Variants in PRDM15 observed in about 807,000 individuals in gnomAD.
The protein encoded by PRDM15 is PR domain zinc finger protein 15.
PRDM15 carries 64 observed loss-of-function variants against 128.6 expected under a neutral mutation model. That is an observed-to-expected ratio of 0.50 (90% CI 0.41 to 0.61). PRDM15 has a LOEUF of 0.61. Ranked by LOEUF, PRDM15 falls within the 20% of genes least tolerant of loss-of-function variation. The pLI is 0.00. For synonymous variants in PRDM15, 615 were observed against 621.8 expected, an observed-to-expected ratio of 0.99 and a Z score of 0.16; for missense variants, 1,242 against 1,569.1, an observed-to-expected ratio of 0.79 and a Z score of 3.52.
chr21:41,873,350 G>T, intron 1 of PRDM15, among the ~76,000 whole-genome samples: 1 of 152,138 alleles, frequency 6.6e-6, no homozygotes, highest in East Asian at 1.9e-4. Flanking sequence ...CTCACACCTC[G>T]GTTAGGCTGC....
chr21:41,807,263 C>G (rs888183957), intron 21 of PRDM15, among the ~76,000 whole-genome samples: 1 of 152,140 alleles, frequency 6.6e-6, no homozygotes, highest in East Asian at 1.9e-4. Context: ...AGAGAAAAAC[C>G]ATAGCTTGGA....
rs28528855 is a variant in PRDM15, at chr21:41,828,076, C to T, written c.1534+90G>A. 7.1e-7 allele frequency: 1 copy of T among 1,416,638 alleles called. No homozygotes were observed. Among genetic ancestry groups the T allele is most frequent in the Non-Finnish European group, 9.8e-7 (1 of 1,018,762 alleles). The allele number at this position is 1,416,638 out of a possible 1,614,324, so 87.8% of individuals were successfully genotyped here. ...GAGCAGGCGGCACCGAACTGCTCCC[C>T]AAAGGCCCTGCTGACTGCTCCATGC... On this transcript the variant is annotated intron_variant, in intron 12 of 23. Transcript: ENST00000398548. The surrounding 1 kb of genome is among the most constrained non-coding windows in gnomAD (Gnocchi z 5.7).
At chr21:41,848,461 C>T (rs1045148728) in intron 5 of PRDM15, among the ~76,000 whole-genome samples, 1 of 152,196 alleles carries the variant, frequency 6.6e-6, no homozygotes, top group South Asian at 2.1e-4. Flanking sequence ...CCATCCCCAC[C>T]AGCTTCTGTT....
chr21:41,810,300 C>A lies in PRDM15; in HGVS notation c.2506G>T (p.Asp836Tyr), dbSNP rs763999852. The change falls in exon 21 of 24, where the codon GAC (aspartate) becomes TAC (tyrosine). Residue 836 changes from aspartate to tyrosine, a missense_variant. Physicochemically the swap from Asp to Tyr is radical, Grantham distance 160. Transcript: ENST00000398548. This position sits in a 1 kb window ranked among gnomAD's most constrained non-coding sequence, Gnocchi z 6.4. ...ATGTACTCGGTCACGTACTTCTTGT[C>A]GCACACGGAGCACGTCCACTGCTTG... ...VGKQWTCSVC[D>Y]KKYVTEYMLQ... is the part of the protein sequence containing the mutation. 6.2e-7 allele frequency: 1 copy of A among 1,613,492 alleles called. No homozygotes were observed. Among genetic ancestry groups the A allele is most frequent in the South Asian group, 1.1e-5 (1 of 90,980 alleles).
chr21:41,816,028 G>C (rs1248773055), intron 18 of PRDM15, among the ~76,000 whole-genome samples, 192 bp from the exon 19 acceptor site: 1 of 152,226 alleles, frequency 6.6e-6, no homozygotes, highest in Non-Finnish European at 1.5e-5. Flanking sequence ...GAGGCCGGGA[G>C]GGACTGACTG....
rs1389302021 is a variant in PRDM15 at position 41,811,888 on chromosome 21, G to A, written c.2393-1052C>T. 1 of 152,104 alleles carries A rather than the reference G, an allele frequency of 6.6e-6. No individual in the cohort carries two copies. Among genetic ancestry groups the A allele is most frequent in the Non-Finnish European group, 1.5e-5 (1 of 68,038 alleles). 9.4% of individuals were successfully genotyped at this position (152,104 alleles called of 1,614,324 possible). A position where few individuals can be genotyped will look rare whatever the true frequency, so the allele number is the denominator to read the frequency against. On this transcript the variant is annotated intron_variant, in intron 19 of 23. Transcript: ENST00000398548. The surrounding 1 kb of genome is among the most constrained non-coding windows in gnomAD (Gnocchi z 4.1). ...TTTAGTAGAGACGGGCTTTCACCGT[G>A]GTCTCGATCTCCTGACCTCGTGATC...
intron 21 of PRDM15, among the ~76,000 whole-genome samples, chr21:41,805,326 G>C (rs2061529147): frequency 6.6e-6 from 1 of 152,140 alleles, no homozygotes; most frequent in Non-Finnish European, 1.5e-5. Flanking sequence ...AAAGGGGAGG[G>C]GCTGCAAAAC....
chr21:41,803,963 ATT>A lies in PRDM15; in HGVS notation c.2733+569_2733+570del, dbSNP rs72214468. Among the ~76,000 whole-genome samples, 149 of 132,416 alleles carry A rather than the reference ATT, an allele frequency of 1.1e-3. 1 individual carries two copies. The highest frequency in any genetic ancestry group is 1.5e-3 in the East Asian group (7 of 4,604). The allele number at this position is 132,416 out of a possible 152,430, so 86.9% of individuals were successfully genotyped here. On this transcript the variant is annotated intron_variant, in intron 22 of 23. Transcript: ENST00000398548. ...TTAGAACATTTTAATGATTGTTCTG[ATT>A]TTTTTTTTTTTTTTTTTCAGACACA...
intron 8 of PRDM15, among the ~76,000 whole-genome samples, chr21:41,837,549 C>T (rs1159384417): frequency 6.6e-6 from 1 of 151,726 alleles, no homozygotes; most frequent in Non-Finnish European, 1.5e-5. Flanking sequence ...GGGGCTGGAG[C>T]GGGTGCTTAG....
intron 17 of PRDM15, 150 bp from the exon 18 acceptor site, chr21:41,819,851 A>G: frequency 9.8e-7 from 1 of 1,022,112 alleles, no homozygotes; most frequent in Non-Finnish European, 1.4e-6. Flanking sequence ...GCCTCCACAG[A>G]GCCCTCCCGG....
Position 41,828,394 on chromosome 21 carries a change from C to T in PRDM15, c.1367-61G>A, listed in dbSNP as rs916183784. 1.8e-5 allele frequency: 28 copies of T among 1,575,470 alleles called. No individual in the cohort carries two copies. Among genetic ancestry groups the T allele is most frequent in the Admixed American group, 1.3e-4 (8 of 59,850 alleles). ...AGGTAAATAACATCTCACGCAGGCA[C>T]GCACGTGTGGCCTGAACGTCAATAA... On this transcript the variant is annotated intron_variant, in intron 11 of 23. Transcript: ENST00000398548. The surrounding 1 kb of genome is among the most constrained non-coding windows in gnomAD (Gnocchi z 5.7).
Position 41,810,671 on chromosome 21 carries a change from G to T in PRDM15, c.2476+82C>A. Reference sequence around the variant, plus strand: ...GAACCGTCTAGATAATAGAATAGTCGTTTCCACCCCAGCAGGCACTCAGAC... The same window carrying T: ...GAACCGTCTAGATAATAGAATAGTCTTTTCCACCCCAGCAGGCACTCAGAC... On this transcript the variant is annotated intron_variant, in intron 20 of 23. Transcript: ENST00000398548. This position sits in a 1 kb window ranked among gnomAD's most constrained non-coding sequence, Gnocchi z 6.4. 9.1e-7 allele frequency: 1 copy of T among 1,096,390 alleles called. No homozygotes were observed. Among genetic ancestry groups the T allele is most frequent in the Non-Finnish European group, 1.4e-6 (1 of 715,428 alleles). 67.9% of individuals were successfully genotyped at this position (1,096,390 alleles called of 1,614,324 possible). A position where few individuals can be genotyped will look rare whatever the true frequency, so the allele number is the denominator to read the frequency against.
chr21:41,861,814 G>A, intron 1 of PRDM15: 1 of 1,590,218 alleles, frequency 6.3e-7, no homozygotes. Flanking sequence ...AAGGAAGTGA[G>A]GCAGAGGAAA....
In PRDM15 at chr21:41,854,865, C is replaced by T. The variant is rs967075255; in HGVS notation, c.286-47G>A. ...GAGAAGCCGGGGAAATGGCTGATTA[C>T]CCATCTGTGTATCAGCGTGTGGGGG... is the stretch of plus-strand genomic sequence containing the variant. On this transcript the variant is annotated intron_variant, in intron 4 of 23. Coordinates refer to ENST00000398548, the MANE Select transcript of PRDM15 (RefSeq NM_001040424.3). The surrounding 1 kb of genome is among the most constrained non-coding windows in gnomAD (Gnocchi z 4.6). 8 of 1,565,974 alleles carry T rather than the reference C, an allele frequency of 5.1e-6. No homozygotes were observed. The highest frequency in any genetic ancestry group is 2.3e-5 in the East Asian group (1 of 44,330).
At chr21:41,842,957 G>A (rs1295816226) in intron 6 of PRDM15, among the ~76,000 whole-genome samples, 1 of 151,834 alleles carries the variant, frequency 6.6e-6, no homozygotes, top group Non-Finnish European at 1.5e-5. Context: ...GCTAATTTTT[G>A]TATTTTTAGT....
intron 6 of PRDM15, 45 bp downstream of exon 6, chr21:41,847,045 G>C: frequency 7.7e-7 from 1 of 1,294,086 alleles, no homozygotes. Context: ...GAGAGAAATC[G>C]ACACAGGAGT....
intron 1 of PRDM15, among the ~76,000 whole-genome samples, chr21:41,878,480 G>C (rs1349251205): frequency 1.3e-5 from 2 of 152,144 alleles, no homozygotes; most frequent in Non-Finnish European, 2.9e-5. Context: ...ACCCCTGCGT[G>C]AACACCTCCC....
intron 21 of PRDM15, among the ~76,000 whole-genome samples, chr21:41,806,036 C>T (rs1228323369): frequency 1.4e-3 from 82 of 60,418 alleles, no homozygotes; most frequent in East Asian, 3.7e-3. Flanking sequence ...ACCACCATCA[C>T]CACCACCATC....
rs776655169 is a variant in PRDM15, at chr21:41,828,332, A to G, written c.1368T>C (p.Asp456=). Residue 456 remains aspartate (D), a splice_region_variant and synonymous_variant, in exon 12 of 24, where the codon GAT becomes GAC. Coordinates refer to ENST00000398548, the MANE Select transcript of PRDM15 (RefSeq NM_001040424.3). The surrounding 1 kb of genome is among the most constrained non-coding windows in gnomAD (Gnocchi z 5.7). ...ACATCTCACATTGGAACGTCTTGTC[A>G]TCTGTCCAGAGAGCAAACAAACACA... The part of the protein sequence containing the change: ...SALEFHNCRT[D]DKTFQCEMCF... 6 of 1,614,008 alleles carry G rather than the reference A, an allele frequency of 3.7e-6. No individual in the cohort carries two copies. The highest frequency in any genetic ancestry group is 4.2e-6 in the Non-Finnish European group (5 of 1,179,946).
Sources: gnomAD v4.1 joint callset for allele counts (sites outside exome capture counted in the v4.1 genomes callset) on GRCh38, gnomAD v4.1.1 for gene constraint, Gnocchi (gnomAD v3.1) non-coding constraint, MANE v1.5 for transcripts, NCBI Gene and HGNC (gene_info 2026-07-23, HGNC 2026-07-21) for gene names.